EXOSC10: variants seen among roughly 807,000 people sequenced by gnomAD.
The protein encoded by EXOSC10 is exosome complex component 10.
EXOSC10 carries 94 observed loss-of-function variants against 126.6 expected under a neutral mutation model. That is an observed-to-expected ratio of 0.74 (90% confidence interval 0.63 to 0.88). The LOEUF (loss-of-function observed/expected upper bound fraction) is 0.88, where lower values mean the gene tolerates loss of function less well. Among genes scored for constraint, EXOSC10 ranks in the 40% least tolerant of loss-of-function variants. EXOSC10 has a pLI of 0.00. For missense variants in EXOSC10, 1,041 were observed against 1,100.5 expected (o/e 0.95, Z 0.77); for synonymous variants, 395 against 400.8 (o/e 0.99, Z 0.17).
intron 9 of EXOSC10, among the ~76,000 whole-genome samples, chr1:11,083,562 C>CAAAAAAAAAAAAAAAAAAAAAAAAAA (rs35412224): frequency 1.7e-4 from 11 of 65,862 alleles, no homozygotes; most frequent in Non-Finnish European, 2.2e-4. Context: ...AACTCCGTCT[C>CAAAAAAAAAAAAAAAAAAAAAAAAAA]AAAAAAAAAA....
At chr1:11,081,609 C>T (rs1640171190) in intron 10 of EXOSC10, among the ~76,000 whole-genome samples, 1 of 152,182 alleles carries the variant, frequency 6.6e-6, no homozygotes, top group South Asian at 2.1e-4. Flanking sequence ...GAAATGGGAA[C>T]CAGGTACTTC....
intron 1 of EXOSC10, 84 bp downstream of exon 1, chr1:11,099,637 G>T: frequency 7.2e-7 from 1 of 1,385,952 alleles, no homozygotes; most frequent in Non-Finnish European, 9.6e-7. Flanking sequence ...ACTACGGCGG[G>T]CGGGCATTGG....
chr1:11,098,434 G>A (rs1641235978), intron 1 of EXOSC10, among the ~76,000 whole-genome samples: 1 of 152,146 alleles, frequency 6.6e-6, no homozygotes, highest in African/African-American at 2.4e-5. Flanking sequence ...TCTTGACTCT[G>A]CTACGTATTA....
chr1:11,099,613 C>T (rs2100253962), intron 1 of EXOSC10, 108 bp downstream of exon 1: 1 of 1,287,234 alleles, frequency 7.8e-7, no homozygotes, highest in South Asian at 1.6e-5. Flanking sequence ...CCCCGCGACC[C>T]TCGCTCGGGC....
intron 16 of EXOSC10, 197 bp from the exon 17 acceptor site, chr1:11,077,145 C>T: frequency 1.6e-6 from 1 of 621,860 alleles, no homozygotes; most frequent in Non-Finnish European, 2.8e-6. Context: ...GTGCCCACCA[C>T]CATGCCAGCT....
At position 11,080,662 on chromosome 1, in the gene EXOSC10, A is replaced by G. The variant is rs187115055; in HGVS notation, c.1586+102T>C. On this transcript the variant is annotated intron_variant, in intron 12 of 24. Transcript: ENST00000376936. ...TCCATTAGATGCTGTCACATAGGGG[A>G]AATAACCAGCTTTCATAGCAAAAGA... The G allele has an allele frequency of 3.6e-5, 58 of 1,603,146 alleles. No individual in the cohort carries two copies. In the Admixed American group the frequency reaches 1.0e-3, roughly 28 times the overall value.
intron 10 of EXOSC10, 115 bp downstream of exon 10, chr1:11,082,573 T>A: frequency 6.6e-7 from 1 of 1,525,850 alleles, no homozygotes; most frequent in East Asian, 2.3e-5. Flanking sequence ...AAAAGCCTGA[T>A]GCCATTCATC....
rs141991610 is a variant in EXOSC10, at chr1:11,068,080, C to T, written c.2555G>A (p.Cys852Tyr). 17 of 1,613,902 alleles carry T rather than the reference C, an allele frequency of 1.1e-5. No individual in the cohort carries two copies. The African/African-American group carries it at 1.9e-4, about 18-fold the overall frequency. The change falls in exon 24 of 25, where the codon TGC (cysteine) becomes TAC (tyrosine). Residue 852 changes from cysteine (C) to tyrosine (Y), a missense_variant. Physicochemically the swap from Cys to Tyr is radical, Grantham distance 194 (BLOSUM62 -2). Coordinates refer to ENST00000376936, the MANE Select transcript of EXOSC10 (RefSeq NM_001001998.3). ...PNKQTPSGKK[C>Y]IAAKKIKQSV... ...CTGTTTAATTTTTTTGGCTGCAATGCATTTCTGAAAAGAAAAGAAACCGTT... is the reference window on the plus strand; with the variant it reads ...CTGTTTAATTTTTTTGGCTGCAATGTATTTCTGAAAAGAAAAGAAACCGTT...
intron 5 of EXOSC10, 71 bp from the exon 6 acceptor site, chr1:11,090,739 T>C (rs1640760093): frequency 5.8e-6 from 7 of 1,200,154 alleles, no homozygotes. Flanking sequence ...AGGGGTAAAC[T>C]GGTTCCCTTT....
intron 23 of EXOSC10, 126 bp from the exon 24 acceptor site, chr1:11,068,210 G>T (rs559533220): frequency 1.4e-6 from 1 of 730,934 alleles, no homozygotes; most frequent in Non-Finnish European, 2.3e-6. Context: ...TCCCCTGAGA[G>T]AGGATGTTTC....
At chr1:11,098,179 G>T in intron 1 of EXOSC10, 23 bp from the exon 2 acceptor site, 1 of 1,586,212 alleles carries the variant, frequency 6.3e-7, no homozygotes, top group East Asian at 2.3e-5. Flanking sequence ...AGAAAAGATG[G>T]CATGTTTACA....
rs1641055236 is a variant in EXOSC10, at chr1:11,095,868, T to C, written c.262A>G (p.Met88Val). 1 of 1,613,608 alleles carries C rather than the reference T, an allele frequency of 6.2e-7. No homozygotes were observed. The highest frequency in any genetic ancestry group is 8.5e-7 in the Non-Finnish European group (1 of 1,179,502). ...DRLLQCMSRV[M>V]QYHGCRSNIK... ...TTGCTGCGACACCCATGGTACTGCA[T>C]TACTCTGCTCATGCTAAGGAAAGGA... Residue 88 changes from methionine to valine, a missense_variant, in exon 3 of 25, where the codon ATG becomes GTG. Transcript: ENST00000376936.
chr1:11,085,129 A>G (rs975286659), intron 9 of EXOSC10, among the ~76,000 whole-genome samples: 3 of 152,130 alleles, frequency 2.0e-5, no homozygotes, highest in Non-Finnish European at 2.9e-5. Context: ...TTGGTTCCAT[A>G]TGAACTTTAA....
chr1:11,099,388 G>C (rs1256922016), intron 1 of EXOSC10, among the ~76,000 whole-genome samples: 1 of 152,194 alleles, frequency 6.6e-6, no homozygotes, highest in African/African-American at 2.4e-5. Flanking sequence ...GAGCCCCTGC[G>C]GAGAGCTGGT....
In EXOSC10 at chr1:11,080,563, A is replaced by ACACACACAC. The variant is rs1553166014; in HGVS notation, c.1587-15_1587-14insGTGTGTGTG. On this transcript the variant is annotated splice_polypyrimidine_tract_variant and intron_variant, in intron 12 of 24. Transcript: ENST00000376936. Reference sequence around the variant, plus strand: ...GGCAGTACATATCTGGAAAAAAAAAAACACACACACACACACACACACACA... The same window carrying ACACACACAC: ...GGCAGTACATATCTGGAAAAAAAAAACACACACACACACACACACACACACACACACACA... 5 of 1,423,602 alleles carry ACACACACAC rather than the reference A, an allele frequency of 3.5e-6. No individual in the cohort carries two copies. The African/African-American group carries it at 5.0e-5, about 14-fold the overall frequency. The allele number at this position is 1,423,602 out of a possible 1,614,324, so 88.2% of individuals were successfully genotyped here. A position where few individuals can be genotyped will look rare whatever the true frequency, so the allele number is the denominator to read the frequency against.
intron 12 of EXOSC10, 92 bp downstream of exon 12, chr1:11,080,672 C>T: frequency 6.2e-7 from 1 of 1,600,314 alleles, no homozygotes; most frequent in Non-Finnish European, 8.5e-7. Context: ...AAATAACCAG[C>T]TTTCATAGCA....
At chr1:11,097,231 A>G (rs1169995481) in intron 2 of EXOSC10, among the ~76,000 whole-genome samples, 3 of 151,174 alleles carry the variant, frequency 2.0e-5, no homozygotes, top group Non-Finnish European at 4.4e-5. Context: ...AAAAAAAAAA[A>G]GCTGGTCGTG....
At chr1:11,073,185 C>T (rs2791646) in intron 19 of EXOSC10, 91,838 of 152,044 alleles carry the variant, frequency 0.6, 31,092 homozygotes, top group East Asian at 0.79. Context: ...CAGGTTGGAG[C>T]GCAGTGGCGC....
intron 2 of EXOSC10, among the ~76,000 whole-genome samples, chr1:11,096,654 T>G (rs1441631436): frequency 6.6e-6 from 1 of 151,282 alleles, no homozygotes; most frequent in East Asian, 2.0e-4. Context: ...ACTTTAAAAA[T>G]TTTTTGTAGG....
Sources: gnomAD v4.1 joint callset for allele counts (sites outside exome capture counted in the v4.1 genomes callset) on GRCh38, gnomAD v4.1.1 for gene constraint, MANE v1.5 for transcripts, NCBI Gene and HGNC (gene_info 2026-07-23, HGNC 2026-07-21) for gene names.